Variants in FMN1 observed in about 807,000 individuals in gnomAD.
FMN1 encodes formin 1.
FMN1 carries 110 observed loss-of-function variants against 132.4 expected under a neutral mutation model. The observed-to-expected ratio is 0.83, with a 90% CI of 0.71 to 0.97. The LOEUF (loss-of-function observed/expected upper bound fraction) is 0.97, where lower values mean the gene tolerates loss of function less well. Ranked by LOEUF, FMN1 falls within the 50% of genes least tolerant of loss-of-function variation. The pLI, the probability that FMN1 is intolerant of heterozygous loss-of-function variation, is 0.00. For missense variants in FMN1, 1,792 were observed against 1,705.3 expected (o/e 1.05, Z -0.90); for synonymous variants, 722 against 651.7 (o/e 1.11, Z -1.64).
Position 32,802,941 on chromosome 15 carries a change from C to T in FMN1, c.3980+1340G>A, listed in dbSNP as rs530456137. ...GATTATTATGATAGGATGATAAGCA[C>T]GATTTGAGAATATGTCTGTACTTAG... On this transcript the variant is annotated intron_variant, in intron 18 of 20. Coordinates refer to ENST00000616417, the MANE Select transcript of FMN1 (RefSeq NM_001277313.2). Among the ~76,000 whole-genome samples, 9 of 152,232 alleles carry T rather than the reference C, an allele frequency of 5.9e-5. No homozygotes were observed. The South Asian group carries it at 1.5e-3, about 25-fold the overall frequency.
chr15:33,085,394 A>T (rs79076737), intron 5 of FMN1, among the ~76,000 whole-genome samples: 8,683 of 152,172 alleles, frequency 0.057, 812 homozygotes, highest in African/African-American at 0.2. Context: ...CCCAAACTAT[A>T]AAAACTGTTG....
intron 2 of FMN1, among the ~76,000 whole-genome samples, chr15:33,186,991 TC>T (rs1480188867): frequency 6.6e-6 from 1 of 152,114 alleles, no homozygotes; most frequent in Non-Finnish European, 1.5e-5. Flanking sequence ...GATTTCCAGA[TC>T]CCTGGTTTAA....
chr15:32,938,782 A>G (rs2061336343), intron 9 of FMN1, among the ~76,000 whole-genome samples: 1 of 152,252 alleles, frequency 6.6e-6, no homozygotes, highest in African/African-American at 2.4e-5. Flanking sequence ...TGTTGGCTGA[A>G]AAACAGGTGA....
At chr15:32,817,441 G>A (rs1225965946) in intron 17 of FMN1, among the ~76,000 whole-genome samples, 1 of 152,122 alleles carries the variant, frequency 6.6e-6, no homozygotes, top group Non-Finnish European at 1.5e-5. Flanking sequence ...ATAGCTGGAG[G>A]TTTAAAACGG....
chr15:33,126,689 G>C (rs1013047136), intron 4 of FMN1, among the ~76,000 whole-genome samples: 1 of 113,840 alleles, frequency 8.8e-6, no homozygotes, highest in East Asian at 4.3e-4. Context: ...TCAGCAGACA[G>C]GAAGCGAAGG....
At chr15:33,036,455 G>C (rs1292839279) in intron 6 of FMN1, among the ~76,000 whole-genome samples, 1 of 152,056 alleles carries the variant, frequency 6.6e-6, no homozygotes, top group East Asian at 1.9e-4. Flanking sequence ...TCATTCCAAA[G>C]TGAATCCTCA....
intron 6 of FMN1, among the ~76,000 whole-genome samples, chr15:33,055,007 C>G (rs1176132400): frequency 1.3e-5 from 2 of 152,162 alleles, no homozygotes; most frequent in African/African-American, 4.8e-5. Flanking sequence ...CTCTCCTCAG[C>G]CACAGCACTC....
intron 4 of FMN1, among the ~76,000 whole-genome samples, chr15:33,126,642 T>C (rs867994165): frequency 2.0e-5 from 3 of 152,188 alleles, no homozygotes; most frequent in South Asian, 4.1e-4. Context: ...AAGTGTTAAG[T>C]TGCAAATCCT....
chr15:32,986,698 C>G (rs1028463570), intron 7 of FMN1, among the ~76,000 whole-genome samples: 3 of 152,074 alleles, frequency 2.0e-5, no homozygotes, highest in Admixed American at 1.3e-4. Flanking sequence ...TTACACTCTA[C>G]TAAGATGAAG....
intron 7 of FMN1, among the ~76,000 whole-genome samples, chr15:32,992,274 T>A (rs973419124): frequency 6.6e-6 from 1 of 152,174 alleles, no homozygotes; most frequent in Non-Finnish European, 1.5e-5. Context: ...CTGTATTGTA[T>A]CCATCAAAAC....
At chr15:33,115,237 A>C (rs1012256954) in intron 4 of FMN1, among the ~76,000 whole-genome samples, 1 of 152,196 alleles carries the variant, frequency 6.6e-6, no homozygotes, top group Non-Finnish European at 1.5e-5. Context: ...AGAGTTGCCT[A>C]AGGCTGTCCT....
chr15:33,127,603 A>G (rs1386890284), intron 4 of FMN1, among the ~76,000 whole-genome samples: 1 of 151,638 alleles, frequency 6.6e-6, no homozygotes, highest in Non-Finnish European at 1.5e-5. Context: ...CTAGTCAACC[A>G]AGACAGAAGT....
chr15:32,942,082 T>C (rs2061412621), intron 9 of FMN1, among the ~76,000 whole-genome samples: 1 of 152,220 alleles, frequency 6.6e-6, no homozygotes, highest in Non-Finnish European at 1.5e-5. Context: ...AGGCAAAGCC[T>C]TTCCAGACCC....
chr15:32,780,390 C>T (rs1038261140), intron 19 of FMN1, among the ~76,000 whole-genome samples: 9 of 152,184 alleles, frequency 5.9e-5, no homozygotes, highest in African/African-American at 2.2e-4. Context: ...CTGCTACACT[C>T]CCATTAGTGC....
chr15:32,944,452 C>T (rs1039679485), intron 9 of FMN1, among the ~76,000 whole-genome samples: 1 of 152,204 alleles, frequency 6.6e-6, no homozygotes, highest in Non-Finnish European at 1.5e-5. Flanking sequence ...CCACATACAG[C>T]TGATAATCTG....
chr15:32,984,173 T>C (rs1410784092), intron 7 of FMN1, among the ~76,000 whole-genome samples: 1 of 152,248 alleles, frequency 6.6e-6, no homozygotes, highest in Admixed American at 6.5e-5. Context: ...TATCTTCTAT[T>C]CTCAAGCCAG....
At chr15:32,978,362 C>T (rs974267512) in intron 7 of FMN1, among the ~76,000 whole-genome samples, 3 of 152,134 alleles carry the variant, frequency 2.0e-5, no homozygotes, top group African/African-American at 4.8e-5. Flanking sequence ...TATTACTCAT[C>T]GGGGAACTTC....
intron 16 of FMN1, among the ~76,000 whole-genome samples, chr15:32,875,989 A>G (rs953195946): frequency 2.0e-5 from 3 of 152,082 alleles, no homozygotes; most frequent in South Asian, 2.1e-4. Context: ...TGCCTGCCCT[A>G]CTCACTTGGG....
chr15:32,911,745 G>C (rs1567377629), intron 10 of FMN1, among the ~76,000 whole-genome samples: 1 of 152,108 alleles, frequency 6.6e-6, no homozygotes, highest in South Asian at 2.1e-4. Context: ...GGAACAGAGA[G>C]AAAAGAGGAG....
Sources: gnomAD v4.1 joint callset for allele counts (sites outside exome capture counted in the v4.1 genomes callset) on GRCh38, gnomAD v4.1.1 for gene constraint, MANE v1.5 for transcripts, NCBI Gene and HGNC (gene_info 2026-07-23, HGNC 2026-07-21) for gene names.